LIMS1: variants seen among roughly 807,000 people sequenced by gnomAD.
The protein encoded by LIMS1 is LIM and senescent cell antigen-like-containing domain protein 1.
A neutral mutation model predicts 44.1 loss-of-function variants in LIMS1; 18 were observed. That is an observed-to-expected ratio of 0.41 (90% CI 0.28 to 0.61). The LOEUF (loss-of-function observed/expected upper bound fraction) is 0.61, where lower values mean the gene tolerates loss of function less well. LIMS1 is among the 20% of genes least tolerant of loss of function. The probability of loss-of-function intolerance (pLI) is 0.32; values close to 1 mark genes in which losing one functional copy is unlikely to be tolerated. For missense variants in LIMS1, 201 were observed against 422.0 expected (o/e 0.48, Z 4.59); for synonymous variants, 93 against 149.1 (o/e 0.62, Z 2.74).
At chr2:108,650,888 T>A (rs1309164386) in intron 1 of LIMS1, among the ~76,000 whole-genome samples, 1 of 151,970 alleles carries the variant, frequency 6.6e-6, no homozygotes, top group Non-Finnish European at 1.5e-5. Context: ...ATTCAGCAGA[T>A]TGTAGTATCT....
At chr2:108,562,449 C>G (rs1685155338) in intron 1 of LIMS1, among the ~76,000 whole-genome samples, 1 of 152,188 alleles carries the variant, frequency 6.6e-6, no homozygotes, top group African/African-American at 2.4e-5. Flanking sequence ...AGTGAAAACA[C>G]AAATGATAAG....
At chr2:108,559,764 G>T (rs1685049364) in intron 1 of LIMS1, among the ~76,000 whole-genome samples, 1 of 152,124 alleles carries the variant, frequency 6.6e-6, no homozygotes, top group Non-Finnish European at 1.5e-5. Context: ...GTGGGTGTGT[G>T]TCCTTTCATA....
At chr2:108,680,308 A>T (rs1692872103) in intron 8 of LIMS1, among the ~76,000 whole-genome samples, 1 of 147,306 alleles carries the variant, frequency 6.8e-6, no homozygotes, top group Non-Finnish European at 1.5e-5. Context: ...CGGAGGTTGC[A>T]GTGAGCCGTG....
chr2:108,571,953 C>A (rs1444349698), intron 1 of LIMS1, among the ~76,000 whole-genome samples: 1 of 152,074 alleles, frequency 6.6e-6, no homozygotes, highest in East Asian at 1.9e-4. Flanking sequence ...GAACCATGGG[C>A]CCTTATATTT....
At chr2:108,674,540 G>T (rs919044913) in intron 5 of LIMS1, among the ~76,000 whole-genome samples, 5 of 151,372 alleles carry the variant, frequency 3.3e-5, no homozygotes, top group Admixed American at 3.3e-4. Context: ...GGCTAACATG[G>T]TGAAACCCCA....
chr2:108,660,390 T>C, intron 2 of LIMS1: 1 of 448,740 alleles, frequency 2.2e-6, no homozygotes, highest in Non-Finnish European at 4.5e-6. Flanking sequence ...TTGTAGTGTA[T>C]TTGGTATTTT....
chr2:108,684,352 TA>T (rs1218178764), exon 10 of LIMS1: 1 of 152,954 alleles, frequency 6.5e-6, no homozygotes, highest in African/African-American at 2.4e-5. Flanking sequence ...AAAAACAGTA[TA>T]AACATTAATT....
At chr2:108,683,571 T>C (rs1401878623) in intron 9 of LIMS1, among the ~76,000 whole-genome samples, 1 of 150,954 alleles carries the variant, frequency 6.6e-6, no homozygotes, top group Non-Finnish European at 1.5e-5. Flanking sequence ...TGATTGACTG[T>C]ACTTAAGTTA....
chr2:108,627,400 GTTTTTTT>G (rs58261864), intron 1 of LIMS1, among the ~76,000 whole-genome samples: 1,347 of 107,036 alleles, frequency 0.013, 28 homozygotes, highest in Non-Finnish European at 0.013. Context: ...TCCCTTTCTG[GTTTTTTT>G]TTTTTTTTTT....
At chr2:108,667,551 A>AAAAAATAT (rs765279788) in intron 2 of LIMS1, among the ~76,000 whole-genome samples, 4,699 of 130,252 alleles carry the variant, frequency 0.036, 128 homozygotes, top group Non-Finnish European at 0.054. Flanking sequence ...AAAAAAAAAA[A>AAAAAATAT]ATATATATAT....
At position 108,579,310 on chromosome 2, in the gene LIMS1, A is replaced by C. The variant is rs1685798556; in HGVS notation, c.32+44716A>C. Reference sequence around the variant, plus strand: ...CCAAGATGTCACAGCTCTTATAGTAAGTGGCATGATTAAGACTATAATTTT... The same window carrying C: ...CCAAGATGTCACAGCTCTTATAGTACGTGGCATGATTAAGACTATAATTTT... On this transcript the variant is annotated intron_variant, in intron 1 of 9. Transcript: ENST00000544547. 2.0e-5 allele frequency among the ~76,000 whole-genome samples: 3 copies of C among 152,332 alleles called. No individual in the cohort carries two copies. In the South Asian group the frequency reaches 6.2e-4, roughly 32 times the overall value.
chr2:108,542,406 T>A (rs1346472271), intron 1 of LIMS1, among the ~76,000 whole-genome samples: 1 of 152,134 alleles, frequency 6.6e-6, no homozygotes, highest in Non-Finnish European at 1.5e-5. Flanking sequence ...CGAAGTAGGA[T>A]CTTTATATCT....
At chr2:108,662,737 C>T in intron 2 of LIMS1, 2 of 933,908 alleles carry the variant, frequency 2.1e-6, no homozygotes, top group Non-Finnish European at 2.6e-6. Flanking sequence ...ACCCAGTTTG[C>T]CTTCCATTTG....
At chr2:108,671,978 G>A (rs953844596) in intron 3 of LIMS1, among the ~76,000 whole-genome samples, 3 of 151,970 alleles carry the variant, frequency 2.0e-5, no homozygotes, top group African/African-American at 4.8e-5. Flanking sequence ...TCGGGAATTC[G>A]ACCAACATGG....
At chr2:108,662,607 A>G in intron 2 of LIMS1, 8 of 1,017,988 alleles carry the variant, frequency 7.9e-6, no homozygotes, top group Non-Finnish European at 9.9e-6. Context: ...AGAATAAGAC[A>G]TTTCTTTTTG....
intron 1 of LIMS1, among the ~76,000 whole-genome samples, chr2:108,621,090 A>G (rs1487602294): frequency 6.6e-6 from 1 of 152,220 alleles, no homozygotes; most frequent in African/African-American, 2.4e-5. Flanking sequence ...TTAATAAACA[A>G]GTAAGTAACC....
At chr2:108,561,750 T>G (rs1399584882) in intron 1 of LIMS1, among the ~76,000 whole-genome samples, 2 of 150,936 alleles carry the variant, frequency 1.3e-5, no homozygotes, top group Non-Finnish European at 3.0e-5. Flanking sequence ...TTTTTTGTTT[T>G]TTTTTTTTTT....
intron 5 of LIMS1, 73 bp from the exon 6 acceptor site, chr2:108,675,805 A>C: frequency 2.5e-6 from 4 of 1,582,650 alleles, no homozygotes; most frequent in Non-Finnish European, 3.5e-6. Context: ...AAACCTTCTA[A>C]AAAGTGTGCT....
intron 1 of LIMS1, among the ~76,000 whole-genome samples, chr2:108,620,163 A>G (rs1194863480): frequency 6.6e-6 from 1 of 152,218 alleles, no homozygotes; most frequent in Non-Finnish European, 1.5e-5. Flanking sequence ...AATAAGATGT[A>G]GACTTCCCTT....
Sources: gnomAD v4.1 joint callset for allele counts (sites outside exome capture counted in the v4.1 genomes callset) on GRCh38, gnomAD v4.1.1 for gene constraint, MANE v1.5 for transcripts, NCBI Gene and HGNC (gene_info 2026-07-23, HGNC 2026-07-21) for gene names.